The following LIPI variants were observed in gnomAD, a reference collection of about 807,000 sequenced individuals.
LIPI encodes the protein lipase I, also known as lipase member I.
A neutral mutation model predicts 50.6 loss-of-function variants in LIPI; 59 were observed. The observed-to-expected ratio is 1.16, with a 90% CI of 0.94 to 1.45. The LOEUF (loss-of-function observed/expected upper bound fraction) is 1.45. Ranked by LOEUF, LIPI falls within the 40% of genes most tolerant of loss-of-function variation. The pLI, the probability that LIPI is intolerant of heterozygous loss-of-function variation, is 0.00. For missense variants in LIPI, 586 were observed against 536.3 expected, an observed-to-expected ratio of 1.09 and a Z score of -0.92; for synonymous variants, 203 against 178.2, an observed-to-expected ratio of 1.14 and a Z score of -1.11.
chr21:14,164,650 C>G (rs1274903084), intron 6 of LIPI, among the ~76,000 whole-genome samples: 1 of 152,168 alleles, frequency 6.6e-6, no homozygotes, highest in Non-Finnish European at 1.5e-5. Flanking sequence ...GAAATTCTTT[C>G]CAGTTCCAAT....
intron 9 of LIPI, among the ~76,000 whole-genome samples, chr21:14,141,425 C>T (rs2017703712): frequency 6.6e-6 from 1 of 151,298 alleles, no homozygotes; most frequent in African/African-American, 2.4e-5. Context: ...CTTTTAACTG[C>T]AATCAGTTGT....
chr21:14,154,686 C>G (rs534329758), intron 7 of LIPI, among the ~76,000 whole-genome samples: 1 of 152,064 alleles, frequency 6.6e-6, no homozygotes, highest in Non-Finnish European at 1.5e-5. Context: ...ATAAAATAGT[C>G]TGTGAAGCAA....
intron 2 of LIPI, among the ~76,000 whole-genome samples, chr21:14,186,596 T>C (rs1032681340): frequency 1.3e-5 from 2 of 152,200 alleles, no homozygotes; most frequent in Non-Finnish European, 2.9e-5. Context: ...GAGGAAAAGA[T>C]GGATTCCAAG....
At chr21:14,147,275 C>CTAT (rs1327364095) in intron 8 of LIPI, among the ~76,000 whole-genome samples, 3 of 152,108 alleles carry the variant, frequency 2.0e-5, no homozygotes, top group African/African-American at 7.2e-5. Context: ...TTGACATCCC[C>CTAT]TATTTTAATT....
chr21:14,186,877 C>T (rs1490992019), intron 2 of LIPI, among the ~76,000 whole-genome samples: 3 of 152,148 alleles, frequency 2.0e-5, no homozygotes, highest in Non-Finnish European at 2.9e-5. Context: ...GATGCCTTCT[C>T]CTTGGACTTC....
At chr21:14,137,596 C>T (rs1339105837) in intron 9 of LIPI, among the ~76,000 whole-genome samples, 1 of 151,656 alleles carries the variant, frequency 6.6e-6, no homozygotes, top group East Asian at 1.9e-4. Flanking sequence ...TAGAAAATAG[C>T]CTTAAAAGGG....
Position 14,165,365 on chromosome 21 carries a change from G to A in LIPI, c.759C>T (p.His253=). The A allele has an allele frequency of 3.1e-6, 5 of 1,611,804 alleles. No individual in the cohort carries two copies. The highest frequency in any genetic ancestry group is 4.2e-6 in the Non-Finnish European group (5 of 1,178,568). ...CCATGAACAAGTGAACTGCTCTCTG[G>A]TGGTTGCATTTAATGAATTGAATTC... ...FSGIQFIKCN[H]QRAVHLFMAS... The change falls in exon 6 of 10, where the codon CAC becomes CAT. Residue 253 remains histidine (H), a synonymous_variant. Coordinates refer to ENST00000681601, the MANE Select transcript of LIPI (RefSeq NM_001302998.2).
chr21:14,163,440 T>G lies in LIPI; in HGVS notation c.985A>C (p.Ser329Arg), dbSNP rs2018564788. ...PLRTTVFLDT[S>R]GTYPFCTYYF... The stretch of plus-strand genomic sequence containing the variant: ...TTACTACAGAATGGATATGTACCAC[T>G]TGTATCCAAAAACACAGTGGTCCTA... The change falls in exon 7 of 10, where the codon AGT becomes CGT. Residue 329 changes from serine (S) to arginine (R), a missense_variant. By Grantham distance (110) the Ser-to-Arg change is moderately radical. Transcript: ENST00000681601. The G allele has an allele frequency of 6.6e-7, 1 of 1,525,076 alleles. No homozygotes were observed. The highest frequency in any genetic ancestry group is 1.1e-5 in the South Asian group (1 of 89,218). The allele number at this position is 1,525,076 out of a possible 1,614,324, so 94.5% of individuals were successfully genotyped here.
At chr21:14,142,914 C>T (rs1242912467) in intron 9 of LIPI, among the ~76,000 whole-genome samples, 1 of 152,040 alleles carries the variant, frequency 6.6e-6, no homozygotes, top group East Asian at 1.9e-4. Context: ...GAAGTACTTT[C>T]CTGACATCAA....
At chr21:14,207,826 T>C (rs2020265440) in intron 1 of LIPI, among the ~76,000 whole-genome samples, 1 of 152,224 alleles carries the variant, frequency 6.6e-6, no homozygotes, top group South Asian at 2.1e-4. Context: ...TCTAACCTAA[T>C]TTATATTGCT....
At chr21:14,169,779 C>T (rs529988665) in intron 4 of LIPI, among the ~76,000 whole-genome samples, 114 of 152,248 alleles carry the variant, frequency 7.5e-4, no homozygotes, top group Non-Finnish European at 7.4e-5. Context: ...CCAAAATTGA[C>T]ACCCTAACAT....
intron 2 of LIPI, among the ~76,000 whole-genome samples, chr21:14,187,469 G>T (rs889116196): frequency 6.6e-6 from 1 of 152,142 alleles, no homozygotes; most frequent in East Asian, 1.9e-4. Context: ...AGTGCTGCCG[G>T]TCATTTAAAT....
intron 4 of LIPI, among the ~76,000 whole-genome samples, chr21:14,176,068 C>T (rs1356642006): frequency 6.6e-6 from 1 of 151,412 alleles, no homozygotes; most frequent in Non-Finnish European, 1.5e-5. Context: ...GTCCCAGCTA[C>T]TCGGGAGGCT....
At chr21:14,173,632 T>C (rs949559557) in intron 4 of LIPI, among the ~76,000 whole-genome samples, 7 of 152,192 alleles carry the variant, frequency 4.6e-5, no homozygotes, top group Admixed American at 4.6e-4. Flanking sequence ...GTAATAGATT[T>C]AGCATAAAAC....
At chr21:14,111,120 A>G (rs148479335) in intron 9 of LIPI, among the ~76,000 whole-genome samples, 1 of 151,788 alleles carries the variant, frequency 6.6e-6, no homozygotes, top group South Asian at 2.1e-4. Flanking sequence ...GGATTGCTGA[A>G]TCATATATTA....
chr21:14,204,811 A>G (rs899479307), intron 1 of LIPI, among the ~76,000 whole-genome samples: 2 of 151,964 alleles, frequency 1.3e-5, no homozygotes, highest in African/African-American at 2.4e-5. Context: ...GAACTAGAAG[A>G]AGGACACAGT....
intron 9 of LIPI, among the ~76,000 whole-genome samples, chr21:14,135,835 G>A (rs916034728): frequency 6.6e-6 from 1 of 152,136 alleles, no homozygotes; most frequent in African/African-American, 2.4e-5. Context: ...GGGAAGTTAA[G>A]GGAGTACTGG....
intron 6 of LIPI, 40 bp downstream of exon 6, chr21:14,165,183 A>G (rs1408562068): frequency 1.4e-6 from 2 of 1,438,626 alleles, no homozygotes; most frequent in Middle Eastern, 2.1e-4. Flanking sequence ...TGTTATTCAT[A>G]TTAAATAAGA....
chr21:14,112,170 C>G (rs953261210), intron 9 of LIPI, among the ~76,000 whole-genome samples: 1 of 151,914 alleles, frequency 6.6e-6, no homozygotes, highest in African/African-American at 2.4e-5. Context: ...TATTTCTAGG[C>G]TCTCTGTTCT....
Sources: allele counts gnomAD v4.1 joint callset (sites outside exome capture counted in the v4.1 genomes callset), GRCh38; gene constraint gnomAD v4.1.1; transcripts MANE v1.5; gene names NCBI Gene and HGNC (gene_info 2026-07-23, HGNC 2026-07-21).